The following STK32B variants were observed in gnomAD, a reference collection of about 807,000 sequenced individuals.
The protein encoded by STK32B is serine/threonine kinase 32B, also known as serine/threonine-protein kinase 32B.
In STK32B, 43 loss-of-function variants were observed where a neutral mutation model predicts 52.6. The ratio of observed to expected loss-of-function variants is 0.82; its 90% CI spans 0.64 to 1.05. STK32B has a LOEUF of 1.05. Ranked by LOEUF, STK32B falls within the 50% of genes least tolerant of loss-of-function variation. The pLI is 0.00. For missense variants in STK32B, 621 were observed against 534.6 expected (o/e 1.16, Z -1.59); for synonymous variants, 238 against 204.3 (o/e 1.17, Z -1.41).
At position 5,088,059 on chromosome 4, in the gene STK32B, A is replaced by C. The variant is rs577102743; in HGVS notation, c.52+36144A>C. On this transcript the variant is annotated intron_variant, in intron 1 of 11. Transcript: ENST00000282908. ...AAATGTTTGACCATAAAACAGTCTC[A>C]ATAAGTTTAAAAATATTTAAATTAT... 7.9e-5 allele frequency among the ~76,000 whole-genome samples: 12 copies of C among 152,226 alleles called. No homozygotes were observed. In the South Asian group the frequency reaches 2.5e-3, roughly 32 times the overall value.
At chr4:5,196,444 C>CG (rs1186266514) in intron 3 of STK32B, among the ~76,000 whole-genome samples, 1 of 148,322 alleles carries the variant, frequency 6.7e-6, no homozygotes, top group Non-Finnish European at 1.5e-5. Flanking sequence ...AGATAAGGGC[C>CG]GGGGGCAGTG....
intron 3 of STK32B, among the ~76,000 whole-genome samples, chr4:5,226,068 G>A (rs1723852210): frequency 6.6e-6 from 1 of 152,140 alleles, no homozygotes; most frequent in Admixed American, 6.5e-5. Flanking sequence ...AAAATGTTCT[G>A]CTTTTAAAAT....
rs535984090 is a variant in STK32B, at chr4:5,125,556, C to T, written c.53-14349C>T. Among the ~76,000 whole-genome samples the T allele has an allele frequency of 3.9e-5, 6 of 152,266 alleles. No homozygotes were observed. In the East Asian group the frequency reaches 5.8e-4, roughly 15 times the overall value. On this transcript the variant is annotated intron_variant, in intron 1 of 11. Transcript: ENST00000282908. Reference sequence around the variant, plus strand: ...GCAGCCTTACTTGGCCTGAGGCCAGCGATGCAGGGAGATGCCCAGCAGGCT... The same window carrying T: ...GCAGCCTTACTTGGCCTGAGGCCAGTGATGCAGGGAGATGCCCAGCAGGCT...
Position 5,466,830 on chromosome 4 carries a change from C to T in STK32B, c.1037C>T (p.Pro346Leu), listed in dbSNP as rs146908689. The T allele has an allele frequency of 1.2e-5, 20 of 1,612,830 alleles. No homozygotes were observed. Among genetic ancestry groups the T allele is most frequent in the South Asian group, 1.2e-4 (11 of 90,792 alleles). Residue 346 changes from proline to leucine, a missense_variant, in exon 10 of 12, where the codon CCG (proline) becomes CTG (leucine). Pro to Leu is a moderately conservative substitution (Grantham distance 98). Coordinates refer to ENST00000282908, the MANE Select transcript of STK32B (RefSeq NM_018401.3). ...RSRDGTKDSC[P>L]LNGHLQHCLE... ...AGGGATGGCACAAAGGACAGCTGCC[C>T]GCTGGTGAGTGCTTCGTGGGAGCCG... is the stretch of plus-strand genomic sequence containing the variant.
At chr4:5,022,844 G>T in the STK32B span, among the ~76,000 whole-genome samples, 37,285 of 152,042 alleles carry the variant, frequency 0.25, 4,933 homozygotes, top group Middle Eastern at 0.31. Context: ...TCCTCTCGGA[G>T]GAGATTGATG....
intron 3 of STK32B, among the ~76,000 whole-genome samples, chr4:5,222,258 C>T (rs1393414658): frequency 6.6e-6 from 1 of 152,136 alleles, no homozygotes; most frequent in Non-Finnish European, 1.5e-5. Context: ...TGGGGTGTTA[C>T]TATGCCAAAT....
At chr4:5,367,672 G>T (rs912038826) in intron 4 of STK32B, among the ~76,000 whole-genome samples, 1 of 152,080 alleles carries the variant, frequency 6.6e-6, no homozygotes, top group Non-Finnish European at 1.5e-5. Context: ...AAGAATGTGC[G>T]CATGGCCAGT....
At chr4:5,439,701 T>C (rs868230634) in intron 6 of STK32B, among the ~76,000 whole-genome samples, 5 of 152,250 alleles carry the variant, frequency 3.3e-5, no homozygotes, top group African/African-American at 1.2e-4. Flanking sequence ...TGAATGGTAA[T>C]TCCCAAGTTT....
chr4:5,056,176 G>T (rs945277406), intron 1 of STK32B, among the ~76,000 whole-genome samples: 3 of 152,158 alleles, frequency 2.0e-5, no homozygotes, highest in African/African-American at 7.2e-5. Context: ...CACTCCTTAT[G>T]AGAATCTAAC....
chr4:5,330,783 A>T (rs539974881), intron 3 of STK32B, among the ~76,000 whole-genome samples: 3 of 152,346 alleles, frequency 2.0e-5, no homozygotes, highest in Admixed American at 2.0e-4. Context: ...GAGTTGCAGA[A>T]ACAAGCTCCA....
chr4:5,107,580 C>A (rs1714175564), intron 1 of STK32B, among the ~76,000 whole-genome samples: 1 of 152,120 alleles, frequency 6.6e-6, no homozygotes. Flanking sequence ...ATGACCATTG[C>A]TAGAATTGAT....
At chr4:5,442,338 G>T (rs1714865449) in intron 6 of STK32B, among the ~76,000 whole-genome samples, 1 of 152,126 alleles carries the variant, frequency 6.6e-6, no homozygotes, top group Admixed American at 6.6e-5. Flanking sequence ...TTGTTGAATT[G>T]ATCCCTTTAC....
intron 6 of STK32B, among the ~76,000 whole-genome samples, chr4:5,436,313 G>A (rs975107389): frequency 2.0e-5 from 3 of 152,178 alleles, no homozygotes; most frequent in Non-Finnish European, 2.9e-5. Context: ...CAATATTGAT[G>A]TCATAATCCC....
chr4:5,144,381 G>A (rs1036972131), intron 2 of STK32B, among the ~76,000 whole-genome samples: 4 of 152,144 alleles, frequency 2.6e-5, no homozygotes, highest in Non-Finnish European at 5.9e-5. Flanking sequence ...TTCTTTTGTT[G>A]CTTAAGGCTC....
chr4:5,239,255 GAGAT>G (rs33919749), intron 3 of STK32B, among the ~76,000 whole-genome samples: 8,279 of 152,152 alleles, frequency 0.054, 424 homozygotes, highest in African/African-American at 0.14. Context: ...CTAGCACAGA[GAGAT>G]ATTTTGTAAA....
intron 3 of STK32B, among the ~76,000 whole-genome samples, chr4:5,177,642 A>G (rs1720019647): frequency 1.3e-5 from 2 of 152,242 alleles, no homozygotes; most frequent in Admixed American, 6.5e-5. Flanking sequence ...AGCCTGTAAA[A>G]TCAAAAGCAA....
At chr4:5,134,551 G>A (rs1715958901) in intron 1 of STK32B, among the ~76,000 whole-genome samples, 1 of 152,168 alleles carries the variant, frequency 6.6e-6, no homozygotes, top group Non-Finnish European at 1.5e-5. Flanking sequence ...CCAGTCTGTG[G>A]CATTCTGTGA....
At chr4:5,459,589 T>A (rs1716871296) in intron 8 of STK32B, among the ~76,000 whole-genome samples, 1 of 152,166 alleles carries the variant, frequency 6.6e-6, no homozygotes, top group Non-Finnish European at 1.5e-5. Flanking sequence ...GCTACCTCAC[T>A]CCTTATTAGC....
chr4:5,498,976 C>G lies in STK32B; in HGVS notation c.1138C>G (p.Leu380Val), dbSNP rs1309433544. 1 of 1,613,718 alleles carries G rather than the reference C, an allele frequency of 6.2e-7. No homozygotes were observed. ...LRRQQGQGSQLLDTDSRGGGQ... is the reference protein window; with the variant it reads ...LRRQQGQGSQVLDTDSRGGGQ... ...GAGGCAGCAGGGACAGGGCAGCCAG[C>G]TCTTGGACACCGACAGCCGAGGGGG... Residue 380 changes from leucine (L) to valine (V), a missense_variant, in exon 12 of 12, where the codon CTC becomes GTC. By Grantham distance (32) the Leu-to-Val change is conservative. Coordinates refer to ENST00000282908, the MANE Select transcript of STK32B (RefSeq NM_018401.3).
Sources: allele counts gnomAD v4.1 joint callset (sites outside exome capture counted in the v4.1 genomes callset), GRCh38; gene constraint gnomAD v4.1.1; transcripts MANE v1.5; gene names NCBI Gene and HGNC (gene_info 2026-07-23, HGNC 2026-07-21).